The following RIN3 variants were observed in gnomAD, a reference collection of about 807,000 sequenced individuals.
RIN3 encodes RAB5 interacting protein 3.
Under a neutral mutation model 76.3 loss-of-function variants are expected in RIN3, and 54 were observed. The observed-to-expected ratio is 0.71, with a 90% CI of 0.57 to 0.89. The LOEUF (loss-of-function observed/expected upper bound fraction) is 0.89. Among genes scored for constraint, RIN3 ranks in the 40% least tolerant of loss-of-function variants. RIN3 has a pLI of 0.00. For synonymous variants in RIN3, 576 were observed against 564.0 expected (o/e 1.02, Z -0.30); for missense variants, 1,256 against 1,322.1 (o/e 0.95, Z 0.78).
At chr14:92,640,243 T>C (rs1478099543) in intron 4 of RIN3, among the ~76,000 whole-genome samples, 4 of 132,522 alleles carry the variant, frequency 3.0e-5, no homozygotes, top group East Asian at 2.5e-4. Flanking sequence ...TGCCTGACTG[T>C]GTGTTCGTCG....
At chr14:92,601,365 C>T (rs564562747) in intron 3 of RIN3, among the ~76,000 whole-genome samples, 69 of 152,294 alleles carry the variant, frequency 4.5e-4, no homozygotes, top group Non-Finnish European at 7.8e-4. Context: ...CTAGCCTCAC[C>T]GCTTCCTAGC....
At chr14:92,672,660 ATGTGTG>A (rs57611104) in intron 7 of RIN3, among the ~76,000 whole-genome samples, 21 of 148,508 alleles carry the variant, frequency 1.4e-4, no homozygotes, top group Admixed American at 3.3e-4. Context: ...ATGTGTGTGC[ATGTGTG>A]TGTGTGTGTG....
intron 1 of RIN3, among the ~76,000 whole-genome samples, chr14:92,536,742 GAAA>G (rs66654234): frequency 2.3e-4 from 30 of 128,220 alleles, no homozygotes; most frequent in Non-Finnish European, 3.1e-4. Context: ...CTCCGTCTCA[GAAA>G]AAAAAAAAAA....
chr14:92,542,263 A>G (rs1313351474), intron 1 of RIN3, among the ~76,000 whole-genome samples: 1 of 152,146 alleles, frequency 6.6e-6, no homozygotes. Flanking sequence ...ATTCCAGCCT[A>G]GTTGACAGAG....
intron 7 of RIN3, among the ~76,000 whole-genome samples, chr14:92,667,630 C>T (rs1888156591): frequency 6.6e-6 from 1 of 152,096 alleles, no homozygotes; most frequent in Admixed American, 6.5e-5. Context: ...GAAATAACTA[C>T]AGATAGGTAA....
chr14:92,659,099 G>A (rs1486631372), intron 6 of RIN3, 62 bp from the exon 7 acceptor site: 3 of 1,527,310 alleles, frequency 2.0e-6, no homozygotes, highest in East Asian at 2.3e-5. Flanking sequence ...TTGGGCAACA[G>A]AACCAGGTGG....
At chr14:92,527,303 C>T (rs980306731) in intron 1 of RIN3, among the ~76,000 whole-genome samples, 3 of 152,058 alleles carry the variant, frequency 2.0e-5, no homozygotes, top group Admixed American at 6.6e-5. Context: ...CCACCCGTCT[C>T]AGCCTCCCAA....
At chr14:92,560,567 G>A (rs1220165386) in intron 2 of RIN3, among the ~76,000 whole-genome samples, 2 of 152,132 alleles carry the variant, frequency 1.3e-5, no homozygotes, top group Admixed American at 6.5e-5. Context: ...TTCAGATGAG[G>A]AAACAGAGGC....
At chr14:92,540,961 T>A (rs1897119411) in intron 1 of RIN3, among the ~76,000 whole-genome samples, 1 of 152,242 alleles carries the variant, frequency 6.6e-6, no homozygotes, top group Non-Finnish European at 1.5e-5. Context: ...CCTGCATTCT[T>A]TCAGTCGAGC....
intron 8 of RIN3, 93 bp from the exon 9 acceptor site, chr14:92,684,894 G>A: frequency 7.4e-7 from 1 of 1,348,410 alleles, no homozygotes; most frequent in South Asian, 1.3e-5. Context: ...GTGGTGGGCG[G>A]GGCTTGGAGG....
chr14:92,603,310 T>C (rs1885411132), intron 3 of RIN3, among the ~76,000 whole-genome samples: 1 of 152,182 alleles, frequency 6.6e-6, no homozygotes, highest in Admixed American at 6.5e-5. Flanking sequence ...ATCGGCATCC[T>C]CTTCCAGCTC....
At chr14:92,576,147 C>T in intron 2 of RIN3, 2 of 1,091,462 alleles carry the variant, frequency 1.8e-6, no homozygotes, top group Non-Finnish European at 2.4e-6. Context: ...CCTGGGGAAG[C>T]TGTGCCACAG....
chr14:92,649,091 C>T (rs957344060), intron 5 of RIN3, among the ~76,000 whole-genome samples: 1 of 152,056 alleles, frequency 6.6e-6, no homozygotes, highest in Non-Finnish European at 1.5e-5. Context: ...GGGTTGAAAG[C>T]GATTCTCTAC....
chr14:92,639,418 C>T (rs1047704828), intron 4 of RIN3, among the ~76,000 whole-genome samples: 3 of 152,220 alleles, frequency 2.0e-5, no homozygotes, highest in Admixed American at 6.5e-5. Flanking sequence ...CACTGCTGGG[C>T]ACCCTCTCAT....
intron 3 of RIN3, among the ~76,000 whole-genome samples, chr14:92,610,934 C>G (rs1482085792): frequency 6.6e-6 from 1 of 152,230 alleles, no homozygotes; most frequent in East Asian, 1.9e-4. Context: ...CACACGGGCA[C>G]TGTTCCAAGC....
intron 2 of RIN3, among the ~76,000 whole-genome samples, chr14:92,572,434 A>T (rs1408864041): frequency 6.6e-6 from 1 of 152,140 alleles, no homozygotes; most frequent in Non-Finnish European, 1.5e-5. Context: ...GCTGATCACC[A>T]GTTTTCAGGT....
intron 4 of RIN3, among the ~76,000 whole-genome samples, chr14:92,626,215 G>A (rs1167371244): frequency 1.3e-5 from 2 of 152,264 alleles, no homozygotes; most frequent in African/African-American, 2.4e-5. Flanking sequence ...TGAGGATCTT[G>A]GGCTGGGAAT....
At chr14:92,624,890 C>T (rs187964639) in intron 4 of RIN3, among the ~76,000 whole-genome samples, 29 of 152,258 alleles carry the variant, frequency 1.9e-4, no homozygotes, top group African/African-American at 6.3e-4. Context: ...CATCCTTTCT[C>T]GGCAGTTCAG....
intron 1 of RIN3, among the ~76,000 whole-genome samples, chr14:92,544,258 C>T (rs1197541755): frequency 6.6e-6 from 1 of 152,158 alleles, no homozygotes; most frequent in Non-Finnish European, 1.5e-5. Context: ...GTGGGGAGTT[C>T]TCCCAGCCCC....
Sources: allele counts gnomAD v4.1 joint callset (sites outside exome capture counted in the v4.1 genomes callset), GRCh38; gene constraint gnomAD v4.1.1; transcripts MANE v1.5; gene names NCBI Gene and HGNC (gene_info 2026-07-23, HGNC 2026-07-21).